ADGRL3: variants seen among roughly 807,000 people sequenced by gnomAD.
ADGRL3 encodes the protein calcium-independent alpha-latrotoxin receptor 3.
Under a neutral mutation model 153.5 loss-of-function variants are expected in ADGRL3, and 62 were observed. The observed-to-expected ratio is 0.40, with a 90% CI of 0.33 to 0.50. The LOEUF is 0.50. Among genes scored for constraint, ADGRL3 ranks in the 20% least tolerant of loss-of-function variants. The pLI is 0.47. For synonymous variants in ADGRL3, 710 were observed against 672.5 expected (o/e 1.06, Z -0.86); for missense variants, 1,641 against 1,859.4 (o/e 0.88, Z 2.16).
At chr4:62,066,662 G>A (rs545571707) in intron 25 of ADGRL3, among the ~76,000 whole-genome samples, 13 of 152,046 alleles carry the variant, frequency 8.6e-5, no homozygotes, top group Non-Finnish European at 1.5e-4. Flanking sequence ...ACATTTTAAA[G>A]TAATTTAATT....
chr4:61,556,418 G>A (rs960350147), intron 4 of ADGRL3, among the ~76,000 whole-genome samples: 2 of 152,116 alleles, frequency 1.3e-5, no homozygotes, highest in Non-Finnish European at 2.9e-5. Flanking sequence ...TGAGCCGGGG[G>A]AGAGCAGCAG....
intron 1 of ADGRL3, among the ~76,000 whole-genome samples, chr4:61,255,815 T>C (rs1333995354): frequency 6.6e-6 from 1 of 152,190 alleles, no homozygotes; most frequent in Non-Finnish European, 1.5e-5. Flanking sequence ...CAGGGTCCAA[T>C]AAATTGTTTC....
chr4:61,996,999 G>GA (rs79921191), intron 20 of ADGRL3, among the ~76,000 whole-genome samples: 36,375 of 151,788 alleles, frequency 0.24, 4,476 homozygotes, highest in East Asian at 0.36. Context: ...TCCATTTTGT[G>GA]AAAAAAATGT....
chr4:61,314,346 A>G lies in ADGRL3; in HGVS notation c.-239-68778A>G, dbSNP rs780470161. Among the ~76,000 whole-genome samples the G allele has an allele frequency of 3.4e-4, 51 of 151,910 alleles. 1 individual carries two copies. The highest frequency in any genetic ancestry group is 1.4e-3 in the Admixed American group (21 of 15,262). The stretch of plus-strand genomic sequence containing the variant: ...TGCCTCAACCTCCTGAGTATCTAGG[A>G]TTACAGGCATGTGCCGCCATGCCCG... On this transcript the variant is annotated intron_variant, in intron 1 of 26. Transcript: ENST00000683033.
chr4:61,374,480 G>T (rs78704337), intron 1 of ADGRL3, among the ~76,000 whole-genome samples: 2 of 152,126 alleles, frequency 1.3e-5, no homozygotes, highest in East Asian at 3.9e-4. Context: ...TTGATTTCCA[G>T]ATGTTGGAGT....
Position 62,070,961 on chromosome 4 carries a change from T to C in ADGRL3, c.*53T>C, listed in dbSNP as rs568095687. ...AAACTGCTAACACCTTGTTGACTGT[T>C]CTGAGTTGATATAAGCAGTGGTAAT... On this transcript the variant is annotated 3_prime_UTR_variant, in exon 27 of 27. Transcript: ENST00000683033. 7.1e-7 allele frequency: 1 copy of C among 1,401,330 alleles called. No individual in the cohort carries two copies. 86.8% of individuals were successfully genotyped at this position (1,401,330 alleles called of 1,614,324 possible).
chr4:61,771,650 G>T (rs1383072600), intron 8 of ADGRL3, among the ~76,000 whole-genome samples: 2 of 151,866 alleles, frequency 1.3e-5, no homozygotes, highest in African/African-American at 4.9e-5. Flanking sequence ...AAACTCCTGG[G>T]CTTAAACAGT....
Position 61,392,684 on chromosome 4 carries a change from C to CAAAAAAA in ADGRL3, c.-174+9511_-174+9517dup, listed in dbSNP as rs397993633. ...CTGGTGACAGAGCGAGACTCCATCT[C>CAAAAAAA]AAAAAAAAAAAAAAAAAAAAAAGAA... On this transcript the variant is annotated intron_variant, in intron 2 of 26. Transcript: ENST00000683033. 5.1e-3 allele frequency among the ~76,000 whole-genome samples: 67 copies of CAAAAAAA among 13,266 alleles called. 6 individuals are homozygous for CAAAAAAA. The highest frequency in any genetic ancestry group is 0.015 in the East Asian group (6 of 394). The allele number at this position is 13,266 out of a possible 152,430, so 8.7% of individuals were successfully genotyped here.
chr4:61,574,776 A>T (rs2149190712), intron 4 of ADGRL3, among the ~76,000 whole-genome samples: 1 of 151,970 alleles, frequency 6.6e-6, no homozygotes, highest in African/African-American at 2.4e-5. Flanking sequence ...TTCATGAAAA[A>T]CAATGTTCAT....
chr4:61,511,937 A>T (rs766706418), intron 3 of ADGRL3, among the ~76,000 whole-genome samples: 1 of 152,222 alleles, frequency 6.6e-6, no homozygotes, highest in Admixed American at 6.5e-5. Context: ...TTATGCAGCT[A>T]TCATATACAC....
rs78983478 is a variant in ADGRL3, at chr4:61,923,817, C to T, written c.2113-11023C>T. On this transcript the variant is annotated intron_variant, in intron 13 of 26. Transcript: ENST00000683033. The stretch of plus-strand genomic sequence containing the variant: ...AGCTGTATTTTAATGTCTCTTCACT[C>T]CTCTATCACTAAGCTGCTTGCGAAG... Among the ~76,000 whole-genome samples the T allele has an allele frequency of 9.4e-3, 1,424 of 152,260 alleles. 11 individuals carry two copies. The highest frequency in any genetic ancestry group is 0.014 in the Non-Finnish European group (946 of 68,028).
intron 4 of ADGRL3, among the ~76,000 whole-genome samples, chr4:61,550,884 C>T (rs149628728): frequency 6.6e-6 from 1 of 151,964 alleles, no homozygotes; most frequent in Non-Finnish European, 1.5e-5. Context: ...TAAGTAATTA[C>T]CCTGTTTAAT....
intron 9 of ADGRL3, among the ~76,000 whole-genome samples, chr4:61,870,969 A>G (rs1280361227): frequency 4.6e-5 from 7 of 152,154 alleles, no homozygotes. Flanking sequence ...ATTAAAGCAT[A>G]TGTCTACATT....
intron 25 of ADGRL3, among the ~76,000 whole-genome samples, chr4:62,050,454 G>A (rs1358582293): frequency 2.6e-5 from 4 of 152,088 alleles, no homozygotes; most frequent in African/African-American, 7.2e-5. Flanking sequence ...GCTCAGAACC[G>A]TTTTTAACAA....
chr4:61,923,598 T>C (rs935741848), intron 13 of ADGRL3, among the ~76,000 whole-genome samples: 1 of 152,158 alleles, frequency 6.6e-6, no homozygotes, highest in Non-Finnish European at 1.5e-5. Context: ...CACAGTTCCT[T>C]CTACTTGGAT....
At chr4:61,922,393 T>C (rs12648453) in intron 13 of ADGRL3, among the ~76,000 whole-genome samples, 64,167 of 152,108 alleles carry the variant, frequency 0.42, 15,898 homozygotes, top group Non-Finnish European at 0.57. Context: ...ATACCTCCCA[T>C]TGACATGAAC....
chr4:61,455,140 T>C (rs2097719992), intron 2 of ADGRL3, among the ~76,000 whole-genome samples: 1 of 152,106 alleles, frequency 6.6e-6, no homozygotes, highest in African/African-American at 2.4e-5. Context: ...TGGGTTGGAG[T>C]AGGAAAAGAT....
At chr4:61,426,032 G>T (rs2097275712) in intron 2 of ADGRL3, among the ~76,000 whole-genome samples, 1 of 152,206 alleles carries the variant, frequency 6.6e-6, no homozygotes, top group African/African-American at 2.4e-5. Flanking sequence ...CCCCACTGGG[G>T]CTGGGCCACC....
chr4:61,712,301 G>T (rs1379739757), intron 6 of ADGRL3, among the ~76,000 whole-genome samples: 1 of 152,066 alleles, frequency 6.6e-6, no homozygotes, highest in Non-Finnish European at 1.5e-5. Flanking sequence ...GCTGAGGCAG[G>T]AGGGTCACTT....
Sources: allele counts gnomAD v4.1 joint callset (sites outside exome capture counted in the v4.1 genomes callset), GRCh38; gene constraint gnomAD v4.1.1; transcripts MANE v1.5; gene names NCBI Gene and HGNC (gene_info 2026-07-23, HGNC 2026-07-21).